Variants in MOSPD3 observed in about 807,000 individuals in gnomAD.
MOSPD3 encodes motile sperm domain-containing protein 3.
MOSPD3 carries 20 observed loss-of-function variants against 23.3 expected under a neutral mutation model. The ratio of observed to expected loss-of-function variants is 0.86; its 90% CI spans 0.61 to 1.25. The LOEUF is 1.25. Ranked by LOEUF, MOSPD3 falls within the 50% of genes most tolerant of loss-of-function variation. The probability of loss-of-function intolerance (pLI) is 0.00; values close to 1 mark genes in which losing one functional copy is unlikely to be tolerated. For synonymous variants in MOSPD3, 136 were observed against 135.2 expected (o/e 1.01, Z -0.04); for missense variants, 307 against 315.7 (o/e 0.97, Z 0.21).
In MOSPD3 at chr7:100,614,882, T is replaced by C; in HGVS notation, c.527T>C (p.Leu176Pro). ...RHFQEHPRQQ[L>P]ATSSFLLFLL... Reference sequence around the variant, plus strand: ...TGTTTCTCAGACCCCCGCCAGCAACTGGCCACCAGCTCCTTCCTCCTCTTC... The same window carrying C: ...TGTTTCTCAGACCCCCGCCAGCAACCGGCCACCAGCTCCTTCCTCCTCTTC... The change falls in exon 4 of 5, where the codon CTG (leucine) becomes CCG (proline). Residue 176 changes from leucine (L) to proline (P), a missense_variant. By Grantham distance (98) the Leu-to-Pro change is moderately conservative (BLOSUM62 -3). Transcript: ENST00000393950. 1 of 1,614,074 alleles carries C rather than the reference T, an allele frequency of 6.2e-7. No individual in the cohort carries two copies. The highest frequency in any genetic ancestry group is 8.5e-7 in the Non-Finnish European group (1 of 1,179,942).
In MOSPD3 at chr7:100,612,774, C is replaced by T. The variant is rs983853326; in HGVS notation, c.-18C>T. 5 of 1,553,534 alleles carry T rather than the reference C, an allele frequency of 3.2e-6. No individual in the cohort carries two copies. The African/African-American group carries it at 4.2e-5, about 13-fold the overall frequency. On this transcript the variant is annotated 5_prime_UTR_variant, in exon 1 of 5. Transcript: ENST00000393950. ...CCCCTGAGCTCTGCCCTCGGATGTC[C>T]GACCGCCCAGAGCCTGCATGCGCCG...
intron 4 of MOSPD3, 23 bp downstream of exon 4, chr7:100,615,054 A>G: frequency 1.9e-6 from 3 of 1,614,136 alleles, no homozygotes; most frequent in South Asian, 1.1e-5. Flanking sequence ...GTGGCCAGGG[A>G]CCCAGGCCCC....
intron 3 of MOSPD3, 45 bp from the exon 4 acceptor site, chr7:100,614,822 G>A (rs747041027): frequency 1.9e-6 from 3 of 1,579,610 alleles, no homozygotes; most frequent in African/African-American, 1.3e-5. Context: ...GACCTGGGCT[G>A]GGCAGGAGTG....
Sources: gnomAD v4.1 joint callset for allele counts on GRCh38, gnomAD v4.1.1 for gene constraint, MANE v1.5 for transcripts, NCBI Gene and HGNC (gene_info 2026-07-23, HGNC 2026-07-21) for gene names.